SMC2: variants seen among roughly 807,000 people sequenced by gnomAD.
The protein encoded by SMC2 is structural maintenance of chromosomes 2.
In SMC2, 41 loss-of-function variants were observed where a neutral mutation model predicts 142.6. That is an observed-to-expected ratio of 0.29 (90% CI 0.22 to 0.37). SMC2 has a LOEUF of 0.37. SMC2 is among the 10% of genes least tolerant of loss of function. SMC2 has a pLI of 1.00. For synonymous variants in SMC2, 463 were observed against 457.5 expected (o/e 1.01, Z -0.15); for missense variants, 1,265 against 1,373.7 (o/e 0.92, Z 1.25).
chr9:104,108,206 T>C (rs978328562), intron 9 of SMC2, among the ~76,000 whole-genome samples: 3 of 152,168 alleles, frequency 2.0e-5, no homozygotes, highest in South Asian at 2.1e-4. Flanking sequence ...ACTGGAAATA[T>C]GTCCTGTGGG....
chr9:104,114,618 C>A (rs1251021812), intron 12 of SMC2, 73 bp from the exon 13 acceptor site: 4 of 1,321,600 alleles, frequency 3.0e-6, no homozygotes, highest in Admixed American at 4.3e-5. Flanking sequence ...TCCAAAAGAG[C>A]TCCTGATGAG....
chr9:104,096,040 A>T, intron 2 of SMC2, 108 bp from the exon 3 acceptor site: 1 of 950,734 alleles, frequency 1.1e-6, no homozygotes, highest in South Asian at 1.6e-5. Context: ...TTGTCTACTT[A>T]ATGGACACTA....
intron 16 of SMC2, 145 bp downstream of exon 16, chr9:104,120,307 T>TC: frequency 1.4e-6 from 1 of 731,328 alleles, no homozygotes; most frequent in South Asian, 2.2e-5. Context: ...TGTGAGTTGA[T>TC]AACTTACCAT....
At chr9:104,129,586 T>A (rs1354994519) in intron 20 of SMC2, 59 bp from the exon 21 acceptor site, 1 of 1,285,812 alleles carries the variant, frequency 7.8e-7, no homozygotes, top group East Asian at 2.3e-5. Context: ...AGAAACTGGC[T>A]TATACATATT....
At chr9:104,119,808 G>A (rs974845727) in intron 15 of SMC2, among the ~76,000 whole-genome samples, 1 of 152,146 alleles carries the variant, frequency 6.6e-6, no homozygotes, top group African/African-American at 2.4e-5. Flanking sequence ...CAAGGCAGTG[G>A]TTATTTTGAA....
At chr9:104,100,535 T>C in intron 7 of SMC2, 102 bp downstream of exon 7, 1 of 758,020 alleles carries the variant, frequency 1.3e-6, no homozygotes, top group Non-Finnish European at 2.2e-6. Flanking sequence ...GGGGGTTTTT[T>C]TCCTGCGATG....
intron 7 of SMC2, among the ~76,000 whole-genome samples, chr9:104,101,513 A>G (rs1415700093): frequency 6.6e-6 from 1 of 152,210 alleles, no homozygotes; most frequent in Non-Finnish European, 1.5e-5. Flanking sequence ...TTATGTATAA[A>G]TTAAGGATTT....
At chr9:104,127,524 T>C in intron 20 of SMC2, 44 bp downstream of exon 20, 1 of 1,401,928 alleles carries the variant, frequency 7.1e-7, no homozygotes, top group Non-Finnish European at 9.5e-7. Context: ...AAATTTTTGT[T>C]ACTGAGCTCT....
upstream of SMC2, chr9:104,092,397 A>G (rs1479127060): frequency 1.3e-5 from 2 of 152,242 alleles, no homozygotes; most frequent in East Asian, 3.9e-4. Flanking sequence ...CTGTCTTAAC[A>G]CATATTTCCA....
chr9:104,090,285 C>T (rs904735805), upstream of SMC2, among the ~76,000 whole-genome samples: 5 of 152,160 alleles, frequency 3.3e-5, no homozygotes, highest in Non-Finnish European at 4.4e-5. Context: ...ACAGATACTG[C>T]GGTAGCCCTC....
chr9:104,129,129 T>TATAC (rs1481908743), intron 20 of SMC2, among the ~76,000 whole-genome samples: 2 of 152,232 alleles, frequency 1.3e-5, no homozygotes, highest in African/African-American at 4.8e-5. Flanking sequence ...GATCTTTTGC[T>TATAC]ATACAGTGTC....
At chr9:104,109,217 C>T (rs1204158041) in intron 9 of SMC2, among the ~76,000 whole-genome samples, 10 of 152,138 alleles carry the variant, frequency 6.6e-5, no homozygotes, top group Non-Finnish European at 1.5e-4. Flanking sequence ...AGCAATTTCC[C>T]TCAACTACCC....
At chr9:104,106,599 G>T (rs1831815976) in intron 9 of SMC2, among the ~76,000 whole-genome samples, 1 of 152,010 alleles carries the variant, frequency 6.6e-6, no homozygotes, top group African/African-American at 2.4e-5. Flanking sequence ...CTCCACGTTT[G>T]TCAGTCTGGT....
chr9:104,098,295 A>C, intron 3 of SMC2, 151 bp from the exon 4 acceptor site: 1 of 558,458 alleles, frequency 1.8e-6, no homozygotes, highest in Non-Finnish European at 2.9e-6. Flanking sequence ...AGCGTTTTTG[A>C]CCATGTCATA....
intron 24 of SMC2, among the ~76,000 whole-genome samples, chr9:104,138,766 G>A (rs1316919224): frequency 6.6e-6 from 1 of 152,228 alleles, no homozygotes; most frequent in Admixed American, 6.5e-5. Flanking sequence ...GCGGGGCAGT[G>A]CCTAATTATT....
chr9:104,124,093 C>T (rs56864831), intron 17 of SMC2, among the ~76,000 whole-genome samples: 8,633 of 151,978 alleles, frequency 0.057, 658 homozygotes, highest in African/African-American at 0.18. Flanking sequence ...TCAGTATTGC[C>T]CTTTTATTTA....
At chr9:104,134,620 T>A (rs1835342562) in intron 23 of SMC2, 45 bp downstream of exon 23, 1 of 1,169,288 alleles carries the variant, frequency 8.6e-7, no homozygotes, top group Non-Finnish European at 1.2e-6. Context: ...TCCTCTTTAT[T>A]ATAATTCATC....
upstream of SMC2, among the ~76,000 whole-genome samples, chr9:104,093,236 C>T (rs1354142788): frequency 6.6e-6 from 1 of 152,148 alleles, no homozygotes; most frequent in Non-Finnish European, 1.5e-5. Flanking sequence ...GAGTTAAGCC[C>T]TTCCTAACTC....
intron 7 of SMC2, among the ~76,000 whole-genome samples, chr9:104,101,019 C>A: frequency 6.6e-6 from 1 of 152,136 alleles, no homozygotes; most frequent in East Asian, 1.9e-4. Flanking sequence ...CTCACTGCAG[C>A]CTCCACCTCC....
Sources: allele counts gnomAD v4.1 joint callset (sites outside exome capture counted in the v4.1 genomes callset), GRCh38; gene constraint gnomAD v4.1.1; transcripts MANE v1.5; gene names NCBI Gene and HGNC (gene_info 2026-07-23, HGNC 2026-07-21).